ANO5: variants seen among roughly 807,000 people sequenced by gnomAD.
ANO5 encodes the protein anoctamin-5.
In ANO5, 109 loss-of-function variants were observed where a neutral mutation model predicts 121.0. The observed-to-expected ratio is 0.90, with a 90% CI of 0.77 to 1.06. The LOEUF is 1.06. Among genes scored for constraint, ANO5 ranks in the 50% least tolerant of loss-of-function variants. The pLI is 0.00. For synonymous variants in ANO5, 406 were observed against 359.9 expected (o/e 1.13, Z -1.45); for missense variants, 1,064 against 1,078.5 (o/e 0.99, Z 0.19).
rs1855043004 is a variant in ANO5 at position 22,280,584 on chromosome 11, T to G, written c.*819T>G. On this transcript the variant is annotated 3_prime_UTR_variant, in exon 22 of 22. Coordinates refer to ENST00000324559, the MANE Select transcript of ANO5 (RefSeq NM_213599.3). The stretch of plus-strand genomic sequence containing the variant: ...TTAATGGATGCAGGACAATGTATAT[T>G]GATTAATTTGTTGATTTTAATTTAG... The G allele has an allele frequency of 6.6e-6, 1 of 152,000 alleles. No individual in the cohort carries two copies. Among genetic ancestry groups the G allele is most frequent in the African/African-American group, 2.4e-5 (1 of 41,456 alleles). 9.4% of individuals were successfully genotyped at this position (152,000 alleles called of 1,614,324 possible).
intron 2 of ANO5, 107 bp from the exon 3 acceptor site, chr11:22,211,157 A>T: frequency 8.5e-7 from 1 of 1,173,280 alleles, no homozygotes; most frequent in Non-Finnish European, 1.3e-6. Flanking sequence ...GTTCCAGATT[A>T]AGTGTTTCTG....
In ANO5 at chr11:22,274,556, TTTTA is replaced by T. The variant is rs886048121; in HGVS notation, c.2236-10_2236-7del. On this transcript the variant is annotated splice_polypyrimidine_tract_variant and intron_variant, in intron 19 of 21. Coordinates refer to ENST00000324559, the MANE Select transcript of ANO5 (RefSeq NM_213599.3). ...CAGCTGATGATCTTCCTCTTTTTTT[TTTTA>T]TTCTTCAGGCCTTTATTGTTGCATT... 9 of 1,553,564 alleles carry T rather than the reference TTTTA, an allele frequency of 5.8e-6. No individual in the cohort carries two copies. In the African/African-American group the frequency reaches 1.1e-4, roughly 19 times the overall value.
chr11:22,230,414 T>G (rs1853000939), intron 7 of ANO5, among the ~76,000 whole-genome samples: 1 of 152,084 alleles, frequency 6.6e-6, no homozygotes, highest in South Asian at 2.1e-4. Flanking sequence ...ATATATGGAT[T>G]CATGTCAGTA....
chr11:22,254,165 T>C (rs774366998), intron 12 of ANO5, among the ~76,000 whole-genome samples: 2 of 152,186 alleles, frequency 1.3e-5, no homozygotes, highest in Non-Finnish European at 1.5e-5. Context: ...ATGATAGGTA[T>C]ATTTGCACTG....
intron 2 of ANO5, among the ~76,000 whole-genome samples, chr11:22,208,909 T>C (rs1046557569): frequency 2.6e-5 from 4 of 152,000 alleles, no homozygotes; most frequent in Non-Finnish European, 5.9e-5. Context: ...GCTCTACACA[T>C]TGCAGTCAAT....
At chr11:22,235,122 T>G (rs1359620601) in intron 7 of ANO5, among the ~76,000 whole-genome samples, 1 of 152,136 alleles carries the variant, frequency 6.6e-6, no homozygotes, top group East Asian at 1.9e-4. Context: ...CAATAATTTT[T>G]TCAAATAATG....
At chr11:22,225,760 A>G (rs2133604910) in intron 5 of ANO5, among the ~76,000 whole-genome samples, 1 of 152,216 alleles carries the variant, frequency 6.6e-6, no homozygotes, top group East Asian at 1.9e-4. Context: ...GAGGCTCTGC[A>G]TATTTCCTGG....
At chr11:22,272,541 C>A (rs1057170498) in intron 18 of ANO5, among the ~76,000 whole-genome samples, 1 of 152,172 alleles carries the variant, frequency 6.6e-6, no homozygotes, top group Non-Finnish European at 1.5e-5. Context: ...ACAAGCATAT[C>A]TCTAAAGGAA....
chr11:22,218,969 A>C (rs1380774951), intron 4 of ANO5, among the ~76,000 whole-genome samples: 1 of 152,114 alleles, frequency 6.6e-6, no homozygotes, highest in African/African-American at 2.4e-5. Flanking sequence ...TCAAATATAA[A>C]CATAAACAAA....
At chr11:22,230,065 A>G (rs1335630305) in intron 7 of ANO5, among the ~76,000 whole-genome samples, 1 of 151,994 alleles carries the variant, frequency 6.6e-6, no homozygotes, top group Non-Finnish European at 1.5e-5. Flanking sequence ...GTTTATATAT[A>G]CACCAATATG....
chr11:22,271,563 A>T (rs1159673049), intron 18 of ANO5, among the ~76,000 whole-genome samples: 2 of 152,214 alleles, frequency 1.3e-5, no homozygotes, highest in African/African-American at 2.4e-5. Flanking sequence ...TTAATTGTGT[A>T]AGTTTCAAAT....
intron 8 of ANO5, among the ~76,000 whole-genome samples, chr11:22,238,282 T>TTG (rs200317635): frequency 1.5e-4 from 22 of 147,276 alleles, no homozygotes; most frequent in African/African-American, 5.0e-4. Context: ...CTCATAGTTT[T>TTG]TTTTTTTTTT....
chr11:22,235,096 C>T (rs968353780), intron 7 of ANO5, among the ~76,000 whole-genome samples: 1 of 152,070 alleles, frequency 6.6e-6, no homozygotes. Context: ...TTGCAGTAGT[C>T]CCTCTCCATC....
intron 4 of ANO5, 130 bp downstream of exon 4, chr11:22,218,417 A>G: frequency 8.4e-7 from 1 of 1,189,436 alleles, no homozygotes; most frequent in Non-Finnish European, 1.2e-6. Flanking sequence ...CAGGCAACTG[A>G]AGTTTAAGAA....
At position 22,281,826 on chromosome 11, in the gene ANO5, T is replaced by C. The variant is rs1162224263; in HGVS notation, c.*2061T>C. 6.6e-6 allele frequency: 1 copy of C among 152,110 alleles called. No homozygotes were observed. The highest frequency in any genetic ancestry group is 1.5e-5 in the Non-Finnish European group (1 of 67,960). 9.4% of individuals were successfully genotyped at this position (152,110 alleles called of 1,614,324 possible). A position where few individuals can be genotyped will look rare whatever the true frequency, so the allele number is the denominator to read the frequency against. ...AAATTATTGGGTTTCTGGAAGTGAATGGAGAAAACAGCAAGGGAAGAAATC... is the reference window on the plus strand; with the variant it reads ...AAATTATTGGGTTTCTGGAAGTGAACGGAGAAAACAGCAAGGGAAGAAATC... On this transcript the variant is annotated 3_prime_UTR_variant, in exon 22 of 22. Transcript: ENST00000324559.
At chr11:22,206,810 C>T (rs891461345) in intron 2 of ANO5, among the ~76,000 whole-genome samples, 2 of 152,082 alleles carry the variant, frequency 1.3e-5, no homozygotes, top group African/African-American at 4.8e-5. Flanking sequence ...CTTACACTAA[C>T]AGTATATTTA....
chr11:22,276,463 G>A (rs1484388742), intron 21 of ANO5, among the ~76,000 whole-genome samples: 2 of 151,726 alleles, frequency 1.3e-5, no homozygotes, highest in African/African-American at 4.8e-5. Flanking sequence ...GTCAGGAAAA[G>A]GGGAAATAAC....
intron 13 of ANO5, among the ~76,000 whole-genome samples, chr11:22,256,246 C>A (rs1025876560): frequency 6.6e-6 from 1 of 152,202 alleles, no homozygotes; most frequent in East Asian, 1.9e-4. Context: ...CCTATCTTCC[C>A]GTAATCTACA....
rs574869358 is a variant in ANO5, at chr11:22,256,730, T to G, written c.1333-950T>G. Among the ~76,000 whole-genome samples the G allele has an allele frequency of 1.0e-3, 159 of 151,770 alleles. 3 individuals are homozygous for G. In the South Asian group the frequency reaches 0.015, roughly 15 times the overall value. On this transcript the variant is annotated intron_variant, in intron 13 of 21. Coordinates refer to ENST00000324559, the MANE Select transcript of ANO5 (RefSeq NM_213599.3). ...TTTAGAAATCATGAAACAGAGTTTTTTTTTGTTTTGTTTTGTTTTGTTTTT... is the reference window on the plus strand; with the variant it reads ...TTTAGAAATCATGAAACAGAGTTTTGTTTTGTTTTGTTTTGTTTTGTTTTT...
Sources: gnomAD v4.1 joint callset for allele counts (sites outside exome capture counted in the v4.1 genomes callset) on GRCh38, gnomAD v4.1.1 for gene constraint, MANE v1.5 for transcripts, NCBI Gene and HGNC (gene_info 2026-07-23, HGNC 2026-07-21) for gene names.